Variants in LRPAP1 observed in about 807,000 individuals in gnomAD.
LRPAP1 encodes the protein alpha-2-macroglobulin receptor-associated protein.
A neutral mutation model predicts 39.9 loss-of-function variants in LRPAP1; 41 were observed. The ratio of observed to expected loss-of-function variants is 1.03; its 90% CI spans 0.80 to 1.33. LRPAP1 has a LOEUF of 1.33. Among genes scored for constraint, LRPAP1 ranks in the 40% most tolerant of loss-of-function variants. LRPAP1 has a pLI of 0.00. For synonymous variants in LRPAP1, 263 were observed against 212.7 expected (o/e 1.24, Z -2.06); for missense variants, 565 against 482.3 (o/e 1.17, Z -1.61).
At chr4:3,520,993 G>T (rs377269752) in intron 2 of LRPAP1, among the ~76,000 whole-genome samples, 2 of 152,228 alleles carry the variant, frequency 1.3e-5, no homozygotes, top group Non-Finnish European at 2.9e-5. Flanking sequence ...CTGCACTTGG[G>T]ATGTGAGAGC....
intron 5 of LRPAP1, among the ~76,000 whole-genome samples, chr4:3,517,159 T>C (rs1352623843): frequency 6.6e-6 from 1 of 152,082 alleles, no homozygotes; most frequent in African/African-American, 2.4e-5. Context: ...GAGCCTGGGT[T>C]TGGGGGTGGG....
rs1392035047 is a variant in LRPAP1, at chr4:3,513,004, C to G, written c.1044G>C (p.Arg348Ser). 2 of 1,612,738 alleles carry G rather than the reference C, an allele frequency of 1.2e-6. No homozygotes were observed. Among genetic ancestry groups the G allele is most frequent in the African/African-American group, 1.3e-5 (1 of 74,910 alleles). Residue 348 changes from arginine to serine, a missense_variant, in exon 8 of 8, where the codon AGG (arginine) becomes AGC (serine). Coordinates refer to ENST00000650182, the MANE Select transcript of LRPAP1 (RefSeq NM_002337.4). ...GTTCGTTGTGCCGAGCTCTGGAGAT[C>G]CTGCCGGACAGGTCCTGCAGATGCT... The part of the protein sequence containing the change: ...VKKHLQDLSG[R>S]ISRARHNEL
chr4:3,532,125 T>A, intron 1 of LRPAP1, 84 bp downstream of exon 1: 3 of 1,416,642 alleles, frequency 2.1e-6, no homozygotes, highest in Non-Finnish European at 2.9e-6. Context: ...CCCCTCCGCC[T>A]CCGACCCCTG....
chr4:3,508,462 C>A lies in LRPAP1; in HGVS notation c.*4512G>T, dbSNP rs1223280653. The A allele has an allele frequency of 6.6e-6, 1 of 152,206 alleles. No homozygotes were observed. The highest frequency in any genetic ancestry group is 1.5e-5 in the Non-Finnish European group (1 of 68,054). The allele number at this position is 152,206 out of a possible 1,614,324, so 9.4% of individuals were successfully genotyped here. On this transcript the variant is annotated 3_prime_UTR_variant, in exon 8 of 8. Transcript: ENST00000650182. ...CTTGTTTCAGGAGGCCCACTTAATG[C>A]AATATCAAACCATGACAGACACATC... is the stretch of plus-strand genomic sequence containing the variant.
rs113293864 is a variant in LRPAP1, at chr4:3,516,052, C to T, written c.834+64G>A. The T allele has an allele frequency of 0.01, 15,023 of 1,478,888 alleles. 113 individuals carry two copies. Among genetic ancestry groups the T allele is most frequent in the Non-Finnish European group, 0.012 (12,907 of 1,082,558 alleles). The allele number at this position is 1,478,888 out of a possible 1,614,324, so 91.6% of individuals were successfully genotyped here. The stretch of plus-strand genomic sequence containing the variant: ...GAGGAGAGGGCTGCATTTCCTTACC[C>T]GGAAACTGCAAGAGAATCTTCACCA... On this transcript the variant is annotated intron_variant, in intron 6 of 7. Transcript: ENST00000650182.
chr4:3,506,761 C>G lies in LRPAP1; in HGVS notation c.*6213G>C, dbSNP rs912929219. The stretch of plus-strand genomic sequence containing the variant: ...ATTTGATGAGAAAATAGAAAGACCA[C>G]TAGAACGGAAAAATAAAAAATAAAA... On this transcript the variant is annotated 3_prime_UTR_variant, in exon 8 of 8. Coordinates refer to ENST00000650182, the MANE Select transcript of LRPAP1 (RefSeq NM_002337.4). 6.6e-6 allele frequency: 1 copy of G among 152,170 alleles called. No individual in the cohort carries two copies. Among genetic ancestry groups the G allele is most frequent in the African/African-American group, 2.4e-5 (1 of 41,442 alleles). 9.4% of individuals were successfully genotyped at this position (152,170 alleles called of 1,614,324 possible).
rs141814662 is a variant in LRPAP1 at position 3,504,235 on chromosome 4, G to A, written c.*8739C>T. 68 of 152,388 alleles carry A rather than the reference G, an allele frequency of 4.5e-4. No homozygotes were observed. Among genetic ancestry groups the A allele is most frequent in the East Asian group, 1.5e-3 (8 of 5,190 alleles). The allele number at this position is 152,388 out of a possible 1,614,324, so 9.4% of individuals were successfully genotyped here. ...GTCAGAAAGCCTCAGCCCCAAACCCGGTCTCAGAGGCTTAAGAACCCTCTC... is the reference window on the plus strand; with the variant it reads ...GTCAGAAAGCCTCAGCCCCAAACCCAGTCTCAGAGGCTTAAGAACCCTCTC... On this transcript the variant is annotated 3_prime_UTR_variant, in exon 8 of 8. Transcript: ENST00000650182.
At position 3,512,811 on chromosome 4, in the gene LRPAP1, C is replaced by T. The variant is rs1000414533; in HGVS notation, c.*163G>A. ...ATGCTACCACCACCAAGCCCTGTGT[C>T]GCGACGGCAGCGGCTGCAGTCACCA... On this transcript the variant is annotated 3_prime_UTR_variant, in exon 8 of 8. Coordinates refer to ENST00000650182, the MANE Select transcript of LRPAP1 (RefSeq NM_002337.4). 2.4e-5 allele frequency: 15 copies of T among 615,456 alleles called. No individual in the cohort carries two copies. Among genetic ancestry groups the T allele is most frequent in the African/African-American group, 1.7e-4 (9 of 54,128 alleles). The allele number at this position is 615,456 out of a possible 1,614,324, so 38.1% of individuals were successfully genotyped here. A position where few individuals can be genotyped will look rare whatever the true frequency, so the allele number is the denominator to read the frequency against.
Position 3,518,176 on chromosome 4 carries a change from G to T in LRPAP1, c.609C>A (p.Val203=). ...TGTCGCTCAGGTCCGAGGGGCTAAT[G>T]ACGTTCTCGTGGATTTCTGTAAAAC... ...LSRTEEIHEN[V]ISPSDLSDIK... Residue 203 remains valine, a synonymous_variant, in exon 5 of 8, where the codon GTC becomes GTA. Transcript: ENST00000650182. 1 of 1,611,302 alleles carries T rather than the reference G, an allele frequency of 6.2e-7. No homozygotes were observed. The highest frequency in any genetic ancestry group is 1.1e-5 in the South Asian group (1 of 90,904).
At chr4:3,530,509 G>C (rs903657333) in intron 1 of LRPAP1, among the ~76,000 whole-genome samples, 3 of 152,168 alleles carry the variant, frequency 2.0e-5, no homozygotes, top group Admixed American at 1.3e-4. Flanking sequence ...GGACTTAAAG[G>C]GACCAGAAAG....
rs916154978 is a variant in LRPAP1 at position 3,508,898 on chromosome 4, T to C, written c.*4076A>G. 1 of 150,456 alleles carries C rather than the reference T, an allele frequency of 6.6e-6. No homozygotes were observed. The highest frequency in any genetic ancestry group is 2.0e-4 in the East Asian group (1 of 5,108). The allele number at this position is 150,456 out of a possible 1,614,324, so 9.3% of individuals were successfully genotyped here. ...GCGCCGGCTCACCTCACCAGTGCAG[T>C]GAGAAGCCGAGGCACAGACTGACAA... On this transcript the variant is annotated 3_prime_UTR_variant, in exon 8 of 8. Coordinates refer to ENST00000650182, the MANE Select transcript of LRPAP1 (RefSeq NM_002337.4).
chr4:3,522,401 T>G (rs887814004), intron 2 of LRPAP1, among the ~76,000 whole-genome samples: 4 of 152,202 alleles, frequency 2.6e-5, no homozygotes, highest in Non-Finnish European at 5.9e-5. Context: ...CTGGAGGTGC[T>G]GGGTTCTTCT....
At chr4:3,526,977 T>G (rs1376935243) in intron 1 of LRPAP1, among the ~76,000 whole-genome samples, 2 of 152,168 alleles carry the variant, frequency 1.3e-5, no homozygotes, top group African/African-American at 4.8e-5. Flanking sequence ...GGTAAAAAGA[T>G]AGCAAACGGT....
At chr4:3,520,033 G>C (rs1361527709) in intron 3 of LRPAP1, 39 bp downstream of exon 3, 2 of 1,608,210 alleles carry the variant, frequency 1.2e-6, no homozygotes, top group African/African-American at 2.7e-5. Flanking sequence ...CAACGTAACG[G>C]CACCAATTCT....
At chr4:3,514,956 T>A in intron 6 of LRPAP1, 28 bp from the exon 7 acceptor site, 1 of 1,609,584 alleles carries the variant, frequency 6.2e-7, no homozygotes, top group Non-Finnish European at 8.5e-7. Context: ...TAGGTGAGTG[T>A]TCCCTTCCCG....
chr4:3,508,796 G>A lies in LRPAP1; in HGVS notation c.*4178C>T, dbSNP rs1053884111. The A allele has an allele frequency of 4.6e-5, 7 of 152,198 alleles. No individual in the cohort carries two copies. Among genetic ancestry groups the A allele is most frequent in the African/African-American group, 1.7e-4 (7 of 41,442 alleles). The allele number at this position is 152,198 out of a possible 1,614,324, so 9.4% of individuals were successfully genotyped here. ...AATGAGGAAGCTCTTCTGCCTGTAA[G>A]TGCACCAGTGCAAACCCAACACTGA... On this transcript the variant is annotated 3_prime_UTR_variant, in exon 8 of 8. Coordinates refer to ENST00000650182, the MANE Select transcript of LRPAP1 (RefSeq NM_002337.4).
chr4:3,513,985 C>G (rs1394182374), intron 7 of LRPAP1, among the ~76,000 whole-genome samples: 1 of 152,252 alleles, frequency 6.6e-6, no homozygotes, highest in Non-Finnish European at 1.5e-5. Context: ...CAACACCGAG[C>G]TTTGCCGTGG....
At chr4:3,513,158 C>T (rs1729586789) in intron 7 of LRPAP1, 122 bp from the exon 8 acceptor site, 4 of 690,918 alleles carry the variant, frequency 5.8e-6, no homozygotes, top group Non-Finnish European at 7.4e-6. Flanking sequence ...GCACATCTGA[C>T]TTTCCAATTC....
intron 1 of LRPAP1, 191 bp downstream of exon 1, chr4:3,532,018 T>C: frequency 4.6e-6 from 3 of 653,750 alleles, no homozygotes; most frequent in African/African-American, 1.9e-5. Flanking sequence ...CACGGGTACC[T>C]TTCCTGCTGC....
Sources: gnomAD v4.1 joint callset for allele counts (sites outside exome capture counted in the v4.1 genomes callset) on GRCh38, gnomAD v4.1.1 for gene constraint, MANE v1.5 for transcripts, NCBI Gene and HGNC (gene_info 2026-07-23, HGNC 2026-07-21) for gene names.